Variants in CNTNAP2 observed in about 807,000 individuals in gnomAD.
The protein encoded by CNTNAP2 is contactin-associated protein-like 2.
In CNTNAP2, 98 loss-of-function variants were observed where a neutral mutation model predicts 155.2. The ratio of observed to expected loss-of-function variants is 0.63; its 90% CI spans 0.54 to 0.75. The LOEUF (loss-of-function observed/expected upper bound fraction) is 0.75. CNTNAP2 is among the 30% of genes least tolerant of loss of function. The pLI, the probability that CNTNAP2 is intolerant of heterozygous loss-of-function variation, is 0.00. For synonymous variants in CNTNAP2, 651 were observed against 631.2 expected (o/e 1.03, Z -0.47); for missense variants, 1,727 against 1,688.1 (o/e 1.02, Z -0.40).
intron 10 of CNTNAP2, among the ~76,000 whole-genome samples, chr7:147,479,473 C>A (rs1299079043): frequency 6.6e-6 from 1 of 152,168 alleles, no homozygotes; most frequent in Non-Finnish European, 1.5e-5. Context: ...TAATACAGTT[C>A]AACCTGGAGA....
intron 1 of CNTNAP2, among the ~76,000 whole-genome samples, chr7:146,533,366 A>G (rs922883498): frequency 6.6e-6 from 1 of 152,136 alleles, no homozygotes; most frequent in Admixed American, 6.6e-5. Flanking sequence ...CAAAAAGTTA[A>G]CCATATTATA....
At chr7:147,049,078 T>C (rs149963175) in intron 4 of CNTNAP2, among the ~76,000 whole-genome samples, 11 of 152,332 alleles carry the variant, frequency 7.2e-5, no homozygotes, top group Non-Finnish European at 1.5e-4. Flanking sequence ...GACCTGCATC[T>C]GGCGAAGGCC....
intron 13 of CNTNAP2, among the ~76,000 whole-genome samples, chr7:147,874,654 T>G (rs568183454): frequency 6.6e-6 from 1 of 152,376 alleles, no homozygotes; most frequent in Non-Finnish European, 1.5e-5. Context: ...TTTTCCCTGT[T>G]GTCTTGGTGT....
chr7:147,277,819 A>G (rs1804933124), intron 8 of CNTNAP2, among the ~76,000 whole-genome samples: 1 of 151,634 alleles, frequency 6.6e-6, no homozygotes, highest in African/African-American at 2.4e-5. Flanking sequence ...AGTGGCCACA[A>G]TAATTTTTCC....
chr7:146,432,427 G>T (rs1329306564), intron 1 of CNTNAP2, among the ~76,000 whole-genome samples: 5 of 151,910 alleles, frequency 3.3e-5, no homozygotes, highest in Non-Finnish European at 7.4e-5. Flanking sequence ...TCATTCAGAG[G>T]TCTAGCATTT....
chr7:147,620,697 AAAC>A (rs1485259654), intron 12 of CNTNAP2, among the ~76,000 whole-genome samples: 2 of 152,016 alleles, frequency 1.3e-5, no homozygotes, highest in African/African-American at 2.4e-5. Flanking sequence ...CAGTCAGTGA[AAAC>A]AAGAGGAAAT....
At chr7:147,340,812 A>T (rs756723979) in intron 9 of CNTNAP2, among the ~76,000 whole-genome samples, 1 of 152,084 alleles carries the variant, frequency 6.6e-6, no homozygotes, top group African/African-American at 2.4e-5. Context: ...GCTATGATAC[A>T]GTATACAATC....
At chr7:147,841,319 A>G (rs1798727019) in intron 13 of CNTNAP2, among the ~76,000 whole-genome samples, 1 of 152,200 alleles carries the variant, frequency 6.6e-6, no homozygotes, top group South Asian at 2.1e-4. Flanking sequence ...CAAACACACT[A>G]TCACAGCATT....
intron 11 of CNTNAP2, among the ~76,000 whole-genome samples, chr7:147,549,278 G>C (rs977127519): frequency 2.0e-5 from 3 of 152,050 alleles, no homozygotes; most frequent in Non-Finnish European, 4.4e-5. Context: ...TTATTTTCTT[G>C]AGCAATGGTT....
chr7:146,227,213 G>A (rs1799307829), intron 1 of CNTNAP2, among the ~76,000 whole-genome samples: 1 of 151,912 alleles, frequency 6.6e-6, no homozygotes, highest in African/African-American at 2.4e-5. Flanking sequence ...ATCACTTGAG[G>A]TCAGGACTTC....
chr7:147,695,529 G>A lies in CNTNAP2; in HGVS notation c.2098+56223G>A, dbSNP rs867661261. On this transcript the variant is annotated intron_variant, in intron 13 of 23. Transcript: ENST00000361727. ...GTATTTTTACATTCTGGCCGGCACC[G>A]TGGCTCATGCCTGTAATCCCAGCAC... Among the ~76,000 whole-genome samples, 8 of 152,172 alleles carry A rather than the reference G, an allele frequency of 5.3e-5. No homozygotes were observed. The East Asian group carries it at 1.3e-3, about 26-fold the overall frequency.
chr7:148,042,393 T>C (rs561974022), intron 15 of CNTNAP2, among the ~76,000 whole-genome samples: 8 of 152,194 alleles, frequency 5.3e-5, no homozygotes, highest in Non-Finnish European at 1.0e-4. Flanking sequence ...AGTTGTTGCC[T>C]GATTTCTTTT....
intron 1 of CNTNAP2, among the ~76,000 whole-genome samples, chr7:146,293,941 A>C (rs1453703006): frequency 2.0e-5 from 3 of 152,130 alleles, no homozygotes; most frequent in Non-Finnish European, 4.4e-5. Flanking sequence ...CTGCCTTTCA[A>C]AATTTCCACA....
intron 1 of CNTNAP2, among the ~76,000 whole-genome samples, chr7:146,120,206 G>A (rs989069250): frequency 2.0e-5 from 3 of 151,862 alleles, no homozygotes; most frequent in African/African-American, 7.3e-5. Context: ...GCATATAAAA[G>A]CAAATACTGC....
intron 4 of CNTNAP2, among the ~76,000 whole-genome samples, chr7:147,099,060 G>C (rs916726216): frequency 1.3e-5 from 2 of 152,096 alleles, no homozygotes; most frequent in African/African-American, 2.4e-5. Context: ...CTGTGGGCAA[G>C]GTCCTTTATT....
chr7:146,947,557 G>GTATATATATA (rs1325610298), intron 3 of CNTNAP2, among the ~76,000 whole-genome samples: 4 of 50,710 alleles, frequency 7.9e-5, no homozygotes, highest in African/African-American at 2.3e-4. Flanking sequence ...GTGTGTGTGT[G>GTATATATATA]TATATATATA....
intron 12 of CNTNAP2, among the ~76,000 whole-genome samples, chr7:147,614,175 A>G (rs976181660): frequency 2.6e-5 from 4 of 152,172 alleles, no homozygotes; most frequent in African/African-American, 4.8e-5. Context: ...TTGTTCTTCA[A>G]CAATGTCTTG....
rs181944977 is a variant in CNTNAP2, at chr7:146,724,132, C to A, written c.98-50139C>A. Among the ~76,000 whole-genome samples the A allele has an allele frequency of 5.3e-5, 8 of 152,262 alleles. No homozygotes were observed. The East Asian group carries it at 1.5e-3, about 29-fold the overall frequency. ...CAAAGGTGAGAAACTGAAGAATCAACACTTGGAAGTGGCTACATTCCTACA... is the reference window on the plus strand; with the variant it reads ...CAAAGGTGAGAAACTGAAGAATCAAAACTTGGAAGTGGCTACATTCCTACA... On this transcript the variant is annotated intron_variant, in intron 1 of 23. Transcript: ENST00000361727.
chr7:148,230,081 C>A (rs930767336), intron 20 of CNTNAP2, among the ~76,000 whole-genome samples: 3 of 152,328 alleles, frequency 2.0e-5, no homozygotes, highest in African/African-American at 4.8e-5. Flanking sequence ...ATCCATTGCA[C>A]CATCTTTCTT....
Sources: gnomAD v4.1 joint callset for allele counts (sites outside exome capture counted in the v4.1 genomes callset) on GRCh38, gnomAD v4.1.1 for gene constraint, MANE v1.5 for transcripts, NCBI Gene and HGNC (gene_info 2026-07-23, HGNC 2026-07-21) for gene names.